SLC25A30: variants seen among roughly 807,000 people sequenced by gnomAD.
SLC25A30 encodes solute carrier family 25 member 30, also known as kidney mitochondrial carrier protein 1.
Under a neutral mutation model 42.7 loss-of-function variants are expected in SLC25A30, and 29 were observed. The observed-to-expected ratio is 0.68, with a 90% CI of 0.51 to 0.93. SLC25A30 has a LOEUF of 0.93. Among genes scored for constraint, SLC25A30 ranks in the 40% least tolerant of loss-of-function variants. SLC25A30 has a pLI of 0.00. For synonymous variants in SLC25A30, 124 were observed against 131.0 expected (o/e 0.95, Z 0.37); for missense variants, 300 against 359.7 (o/e 0.83, Z 1.34).
chr13:45,403,850 C>T (rs1015549148), intron 5 of SLC25A30, among the ~76,000 whole-genome samples: 4 of 151,252 alleles, frequency 2.6e-5, no homozygotes, highest in East Asian at 1.9e-4. Flanking sequence ...GCAGGAGAAT[C>T]GCTTGAACCC....
the SLC25A30 span, among the ~76,000 whole-genome samples, chr13:45,428,544 AC>A: frequency 1.7e-5 from 1 of 58,066 alleles, no homozygotes; most frequent in African/African-American, 7.1e-5. Context: ...TTTTTTTGAG[AC>A]GGAGTCCAGC....
chr13:45,404,308 T>C lies in SLC25A30; in HGVS notation c.393+19A>G. The C allele has an allele frequency of 1.3e-6, 2 of 1,561,214 alleles. No homozygotes were observed. Among genetic ancestry groups the C allele is most frequent in the African/African-American group, 1.4e-5 (1 of 73,924 alleles). ...GAAAATGTGGAATGTGCCTATAAGA[T>C]ATAGATAGCACAGCTTACTTTCAAA... On this transcript the variant is annotated intron_variant, in intron 5 of 9. Transcript: ENST00000519676.
chr13:45,404,150 A>G (rs1425551174), intron 5 of SLC25A30, among the ~76,000 whole-genome samples, 177 bp downstream of exon 5: 1 of 152,222 alleles, frequency 6.6e-6, no homozygotes. Context: ...TTTTGAGCTC[A>G]TCTGTATAAG....
chr13:45,398,033 C>T (rs1881539584), intron 8 of SLC25A30: 11 of 985,134 alleles, frequency 1.1e-5, no homozygotes, highest in East Asian at 2.3e-4. Flanking sequence ...TGGATGAATA[C>T]GATAAGTGTC....
the SLC25A30 span, among the ~76,000 whole-genome samples, chr13:45,424,776 A>C: frequency 2.5e-3 from 157 of 63,584 alleles, 9 homozygotes; most frequent in African/African-American, 8.5e-3. Context: ...AAATATATAT[A>C]TATAAATATA....
chr13:45,423,669 A>AATATATATAAAAAT, the SLC25A30 span, among the ~76,000 whole-genome samples: 2 of 24,322 alleles, frequency 8.2e-5, no homozygotes, highest in African/African-American at 2.1e-4. Context: ...ATATATATAA[A>AATATATATAAAAAT]ATACATATTT....
intron 4 of SLC25A30, 27 bp downstream of exon 4, chr13:45,405,856 A>G (rs1882449115): frequency 6.2e-7 from 1 of 1,605,366 alleles, no homozygotes; most frequent in Non-Finnish European, 8.5e-7. Flanking sequence ...CCTCCTGTCC[A>G]CAGTGGAAAA....
chr13:45,422,095 A>G (rs1190018920), upstream of SLC25A30, among the ~76,000 whole-genome samples: 1 of 152,104 alleles, frequency 6.6e-6, no homozygotes, highest in Non-Finnish European at 1.5e-5. Context: ...TACCCACATC[A>G]TGGTTTTCAT....
At chr13:45,419,192 G>A (rs868588556), upstream of SLC25A30, among the ~76,000 whole-genome samples, 1 of 146,160 alleles carries the variant, frequency 6.8e-6, no homozygotes, top group Admixed American at 6.9e-5. Context: ...TAAAAGAACC[G>A]TACTATGAGT....
the SLC25A30 span, among the ~76,000 whole-genome samples, chr13:45,426,058 A>T: frequency 6.8e-6 from 1 of 148,016 alleles, no homozygotes; most frequent in Non-Finnish European, 1.5e-5. Flanking sequence ...TATACATTTT[A>T]AATATATATA....
rs957076332 is a variant in SLC25A30 at position 45,394,871 on chromosome 13, C to T, written c.*1103G>A. The T allele has an allele frequency of 2.0e-6, 2 of 985,368 alleles. No homozygotes were observed. Among genetic ancestry groups the T allele is most frequent in the African/African-American group, 1.7e-5 (1 of 57,340 alleles). The allele number at this position is 985,368 out of a possible 1,614,324, so 61.0% of individuals were successfully genotyped here. ...AACAGAAAGTCCAAGACAGGCACAA[C>T]ATAAACTAAAGTAAAAACTGGAAAC... On this transcript the variant is annotated 3_prime_UTR_variant, in exon 10 of 10. Transcript: ENST00000519676.
rs757555494 is a variant in SLC25A30 at position 45,409,000 on chromosome 13, T to C, written c.139A>G (p.Ile47Val). ...GQTNDAKFKE[I>V]RYRGMLHALV... is the part of the protein sequence containing the mutation. ...GCGTGCAACATTCCTCGGTATCTAA[T>C]TTCCTTAAATTTTGCATCATTCGTC... The change falls in exon 3 of 10, where the codon ATT becomes GTT. Residue 47 changes from isoleucine (I) to valine (V), a missense_variant. Coordinates refer to ENST00000519676, the MANE Select transcript of SLC25A30 (RefSeq NM_001010875.4). 6.2e-7 allele frequency: 1 copy of C among 1,613,866 alleles called. No individual in the cohort carries two copies. The highest frequency in any genetic ancestry group is 2.2e-5 in the East Asian group (1 of 44,862).
upstream of SLC25A30, among the ~76,000 whole-genome samples, chr13:45,422,966 C>G (rs1209754778): frequency 6.6e-6 from 1 of 152,088 alleles, no homozygotes; most frequent in East Asian, 1.9e-4. Context: ...GGGTGCCTGC[C>G]CTCTTTGTGC....
At chr13:45,429,276 C>A in the SLC25A30 span, among the ~76,000 whole-genome samples, 1 of 151,076 alleles carries the variant, frequency 6.6e-6, no homozygotes, top group African/African-American at 2.4e-5. Flanking sequence ...ACCATGTTGG[C>A]CAGGCTGGTC....
intron 4 of SLC25A30, 152 bp from the exon 5 acceptor site, chr13:45,404,564 A>G (rs575113028): frequency 6.3e-6 from 4 of 633,282 alleles, no homozygotes; most frequent in Non-Finnish European, 8.5e-6. Flanking sequence ...CACATCTGTA[A>G]TCCCAGCACT....
At chr13:45,424,012 TAAA>T in the SLC25A30 span, among the ~76,000 whole-genome samples, 1 of 79,688 alleles carries the variant, frequency 1.3e-5, no homozygotes, top group African/African-American at 4.9e-5. Context: ...AAAATATATA[TAAA>T]TCTGTAAAAA....
At chr13:45,407,226 C>T (rs966081992) in intron 3 of SLC25A30, among the ~76,000 whole-genome samples, 4 of 152,104 alleles carry the variant, frequency 2.6e-5, no homozygotes, top group South Asian at 2.1e-4. Context: ...GGTAAAACCC[C>T]GTCTCTACTA....
chr13:45,406,996 T>C (rs1882572908), intron 3 of SLC25A30, among the ~76,000 whole-genome samples: 1 of 152,196 alleles, frequency 6.6e-6, no homozygotes, highest in African/African-American at 2.4e-5. Context: ...GCACGGTGGC[T>C]CATGCCTGTA....
the SLC25A30 span, among the ~76,000 whole-genome samples, chr13:45,424,326 A>AATATATATGT: frequency 3.2e-5 from 1 of 31,210 alleles, no homozygotes; most frequent in Admixed American, 6.1e-4. Flanking sequence ...TAAATATATA[A>AATATATATGT]AAATATATAT....
Sources: gnomAD v4.1 joint callset for allele counts (sites outside exome capture counted in the v4.1 genomes callset) on GRCh38, gnomAD v4.1.1 for gene constraint, MANE v1.5 for transcripts, NCBI Gene and HGNC (gene_info 2026-07-23, HGNC 2026-07-21) for gene names.